CELF2: variants seen among roughly 807,000 people sequenced by gnomAD.
CELF2 encodes CUGBP Elav-like family member 2, also known as CUG triplet repeat RNA-binding protein 2.
In CELF2, 8 loss-of-function variants were observed where a neutral mutation model predicts 62.6. The observed-to-expected ratio is 0.13, with a 90% CI of 0.07 to 0.23. The LOEUF is 0.23. CELF2 is among the 10% of genes least tolerant of loss of function. The pLI, the probability that CELF2 is intolerant of heterozygous loss-of-function variation, is 1.00. For synonymous variants in CELF2, 258 were observed against 250.0 expected (o/e 1.03, Z -0.30); for missense variants, 333 against 671.0 (o/e 0.50, Z 5.56).
intron 1 of CELF2, among the ~76,000 whole-genome samples, chr10:11,050,520 CCTG>C (rs1176388835): frequency 5.3e-5 from 8 of 152,146 alleles, no homozygotes. Flanking sequence ...TGTAGCAGCT[CCTG>C]CTGCTGGTGG....
chr10:10,961,212 G>A (rs2049462049), intron 2 of CELF2, among the ~76,000 whole-genome samples: 1 of 152,184 alleles, frequency 6.6e-6, no homozygotes, highest in Non-Finnish European at 1.5e-5. Context: ...GTAGGAAGAT[G>A]CAGTAATGAT....
chr10:10,614,038 A>T, the CELF2 span, among the ~76,000 whole-genome samples: 75 of 152,268 alleles, frequency 4.9e-4, 1 homozygote, highest in Admixed American at 1.6e-3. Context: ...CAGAATGAGG[A>T]AATAAACAAA....
At chr10:10,924,230 C>T (rs1277022455) in intron 2 of CELF2, among the ~76,000 whole-genome samples, 2 of 126,650 alleles carry the variant, frequency 1.6e-5, no homozygotes, top group African/African-American at 5.9e-5. Flanking sequence ...TGCAGTGAGC[C>T]GAGATCGCGC....
chr10:10,558,837 T>C, the CELF2 span, among the ~76,000 whole-genome samples: 1 of 152,194 alleles, frequency 6.6e-6, no homozygotes, highest in East Asian at 1.9e-4. Context: ...GGGTTTATAG[T>C]ATTCTCTGAT....
intron 2 of CELF2, among the ~76,000 whole-genome samples, chr10:11,166,334 G>T (rs1000713141): frequency 6.6e-6 from 1 of 152,176 alleles, no homozygotes; most frequent in African/African-American, 2.4e-5. Flanking sequence ...GGAGATGAAG[G>T]TATAGGATCT....
At chr10:10,566,052 A>T in the CELF2 span, among the ~76,000 whole-genome samples, 1 of 152,192 alleles carries the variant, frequency 6.6e-6, no homozygotes, top group African/African-American at 2.4e-5. Flanking sequence ...ATCCCAACCC[A>T]TTCTAACCTA....
rs2076014944 is a variant in CELF2 at position 11,247,639 on chromosome 10, A to C, written c.355-1514A>C. 6.7e-6 allele frequency among the ~76,000 whole-genome samples: 1 copy of C among 149,838 alleles called. No individual in the cohort carries two copies. The highest frequency in any genetic ancestry group is 2.0e-4 in the East Asian group (1 of 5,046). The stretch of plus-strand genomic sequence containing the variant: ...CCACCCCTGCCACACTGAGCACCTG[A>C]AGGGAGGACCTTCTTCACTGGCCTT... On this transcript the variant is annotated intron_variant, in intron 3 of 12. Coordinates refer to ENST00000633077, the MANE Select transcript of CELF2 (RefSeq NM_001326342.2). This position sits in a 1 kb window ranked among gnomAD's most constrained non-coding sequence, Gnocchi z 5.4.
At chr10:11,258,963 C>T (rs1187851598) in intron 5 of CELF2, among the ~76,000 whole-genome samples, 7 of 152,362 alleles carry the variant, frequency 4.6e-5, no homozygotes, top group Middle Eastern at 3.4e-3. Context: ...GGATTACAGG[C>T]GTGAGCCACC....
Position 11,211,821 on chromosome 10 carries a change from T to C in CELF2, c.272-5604T>C, listed in dbSNP as rs988102074. On this transcript the variant is annotated intron_variant, in intron 2 of 12. Coordinates refer to ENST00000633077, the MANE Select transcript of CELF2 (RefSeq NM_001326342.2). The surrounding 1 kb of genome is among the most constrained non-coding windows in gnomAD (Gnocchi z 4.8). ...GAGAGAGAGAGAGAGAGAGTGTGTG[T>C]GTGTGTGTGTGTGTGTGTGTGTGTG... Among the ~76,000 whole-genome samples, 8 of 112,288 alleles carry C rather than the reference T, an allele frequency of 7.1e-5. No homozygotes were observed. Among genetic ancestry groups the C allele is most frequent in the African/African-American group, 2.4e-4 (7 of 28,968 alleles). 73.7% of individuals were successfully genotyped at this position (112,288 alleles called of 152,430 possible). A position where few individuals can be genotyped will look rare whatever the true frequency, so the allele number is the denominator to read the frequency against.
intron 2 of CELF2, chr10:10,945,906 G>A (rs1227486369): frequency 6.6e-6 from 1 of 152,564 alleles, no homozygotes; most frequent in Non-Finnish European, 1.5e-5. Flanking sequence ...CACCTCCCAC[G>A]TTTTCCCCCT....
intron 1 of CELF2, among the ~76,000 whole-genome samples, chr10:10,821,735 G>A (rs552670105): frequency 6.6e-5 from 10 of 152,264 alleles, no homozygotes; most frequent in Admixed American, 2.6e-4. Context: ...CAAGCTCCTG[G>A]ACTCAAGCAA....
rs965143247 is a variant in CELF2, at chr10:11,268,232, T to G, written c.618+1555T>G. 2.0e-5 allele frequency among the ~76,000 whole-genome samples: 3 copies of G among 152,122 alleles called. No homozygotes were observed. The highest frequency in any genetic ancestry group is 2.1e-4 in the South Asian group (1 of 4,834). ...GAAACTGCTGTTAGGGGCAAAAAAA[T>G]AAAAAAGAAAACTCTTTACTTGTAT... On this transcript the variant is annotated intron_variant, in intron 6 of 12. Coordinates refer to ENST00000633077, the MANE Select transcript of CELF2 (RefSeq NM_001326342.2). The surrounding 1 kb of genome is among the most constrained non-coding windows in gnomAD (Gnocchi z 4.7).
chr10:10,893,191 G>A (rs1157122931), intron 1 of CELF2, among the ~76,000 whole-genome samples: 1 of 152,190 alleles, frequency 6.6e-6, no homozygotes, highest in African/African-American at 2.4e-5. Context: ...CTTTTGCAGA[G>A]GCAGGGCATT....
At chr10:11,174,952 C>A (rs968048246) in intron 2 of CELF2, among the ~76,000 whole-genome samples, 1 of 152,140 alleles carries the variant, frequency 6.6e-6, no homozygotes, top group Admixed American at 6.5e-5. Context: ...TTAATACCTC[C>A]CTACTAAACA....
At chr10:10,783,005 A>G in the CELF2 span, among the ~76,000 whole-genome samples, 1 of 152,186 alleles carries the variant, frequency 6.6e-6, no homozygotes, top group African/African-American at 2.4e-5. Flanking sequence ...AAGATCATGA[A>G]TATGTTTTAT....
chr10:10,962,420 A>G (rs2049617098), intron 2 of CELF2, among the ~76,000 whole-genome samples: 1 of 152,120 alleles, frequency 6.6e-6, no homozygotes, highest in Non-Finnish European at 1.5e-5. Flanking sequence ...AAAGTATACC[A>G]TAACGAGAAA....
chr10:11,160,159 G>A (rs2065375856), intron 1 of CELF2, among the ~76,000 whole-genome samples: 1 of 152,230 alleles, frequency 6.6e-6, no homozygotes, highest in Admixed American at 6.5e-5. Context: ...ATGAATCTCT[G>A]GGTCCAGACC....
the CELF2 span, among the ~76,000 whole-genome samples, chr10:10,546,215 C>T: frequency 6.6e-6 from 1 of 152,166 alleles, no homozygotes; most frequent in Non-Finnish European, 1.5e-5. Flanking sequence ...TGCCGATAAC[C>T]ATACTGTGTG....
At chr10:10,560,759 G>A in the CELF2 span, among the ~76,000 whole-genome samples, 1 of 152,138 alleles carries the variant, frequency 6.6e-6, no homozygotes, top group Non-Finnish European at 1.5e-5. Context: ...TTGCAAAATT[G>A]TGGAACCAAC....
Sources: allele counts gnomAD v4.1 joint callset (sites outside exome capture counted in the v4.1 genomes callset), GRCh38; gene constraint gnomAD v4.1.1; non-coding constraint Gnocchi (gnomAD v3.1); transcripts MANE v1.5; gene names NCBI Gene and HGNC (gene_info 2026-07-23, HGNC 2026-07-21).